The following DDX10 variants were observed in gnomAD, a reference collection of about 807,000 sequenced individuals.
The protein encoded by DDX10 is probable ATP-dependent RNA helicase DDX10.
Under a neutral mutation model 104.3 loss-of-function variants are expected in DDX10, and 74 were observed. That is an observed-to-expected ratio of 0.71 (90% confidence interval 0.59 to 0.86). DDX10 has a LOEUF of 0.86. Among genes scored for constraint, DDX10 ranks in the 40% least tolerant of loss-of-function variants. The pLI is 0.00. For synonymous variants in DDX10, 351 were observed against 353.4 expected (o/e 0.99, Z 0.08); for missense variants, 952 against 1,040.0 (o/e 0.92, Z 1.16).
intron 13 of DDX10, among the ~76,000 whole-genome samples, chr11:108,783,080 C>G (rs745457314): frequency 6.6e-6 from 1 of 152,108 alleles, no homozygotes; most frequent in Non-Finnish European, 1.5e-5. Flanking sequence ...TTCCTAGTGC[C>G]CACTCACTAT....
At chr11:108,667,869 A>G (rs2094212024) in intron 1 of DDX10, among the ~76,000 whole-genome samples, 1 of 152,162 alleles carries the variant, frequency 6.6e-6, no homozygotes, top group Non-Finnish European at 1.5e-5. Flanking sequence ...CTTTATGACA[A>G]CATTTATCAA....
intron 13 of DDX10, among the ~76,000 whole-genome samples, chr11:108,786,230 A>G (rs771447145): frequency 4.7e-5 from 7 of 149,702 alleles, no homozygotes; most frequent in South Asian, 2.1e-4. Flanking sequence ...AATTATTTCA[A>G]TTTTTTTTTT....
Position 108,940,608 on chromosome 11 carries a change from C to A in DDX10, c.*185C>A. ...GGACATGCTTTGTGCCATCACTGAG[C>A]ATACTCAGATCGAGGGTGGATGATA... On this transcript the variant is annotated 3_prime_UTR_variant, in exon 18 of 18. Transcript: ENST00000322536. The A allele has an allele frequency of 1.9e-6, 1 of 534,926 alleles. No homozygotes were observed. Among genetic ancestry groups the A allele is most frequent in the Non-Finnish European group, 3.2e-6 (1 of 310,766 alleles). The allele number at this position is 534,926 out of a possible 1,614,324, so 33.1% of individuals were successfully genotyped here.
chr11:108,861,892 G>A (rs1201709589), intron 16 of DDX10, among the ~76,000 whole-genome samples: 2 of 152,132 alleles, frequency 1.3e-5, no homozygotes, highest in African/African-American at 4.8e-5. Context: ...TGGGCATTGC[G>A]GTGCATGCCT....
intron 13 of DDX10, among the ~76,000 whole-genome samples, chr11:108,833,952 CTCTG>C (rs375577031): frequency 5.3e-5 from 8 of 152,156 alleles, no homozygotes; most frequent in African/African-American, 1.2e-4. Flanking sequence ...CTGTATTTCT[CTCTG>C]TCTTTCTTTG....
At chr11:108,864,792 G>T (rs1349376377) in intron 16 of DDX10, among the ~76,000 whole-genome samples, 1 of 152,050 alleles carries the variant, frequency 6.6e-6, no homozygotes, top group African/African-American at 2.4e-5. Flanking sequence ...TGAGGTGCTA[G>T]GCCTTTTCCA....
chr11:108,769,592 G>A (rs943517148), intron 13 of DDX10, among the ~76,000 whole-genome samples: 9 of 152,058 alleles, frequency 5.9e-5, no homozygotes, highest in Non-Finnish European at 1.2e-4. Context: ...TGTTTTGTGT[G>A]TGTTGATTTT....
intron 1 of DDX10, among the ~76,000 whole-genome samples, chr11:108,673,039 T>C (rs986769054): frequency 3.3e-5 from 5 of 152,232 alleles, no homozygotes; most frequent in African/African-American, 1.2e-4. Flanking sequence ...TTTCACTCTT[T>C]TTTCCAAATT....
At chr11:108,784,489 TCCTCCTGCCTTAG>T (rs1861760171) in intron 13 of DDX10, among the ~76,000 whole-genome samples, 1 of 152,172 alleles carries the variant, frequency 6.6e-6, no homozygotes, top group African/African-American at 2.4e-5. Context: ...GCTTAAGTGA[TCCTCCTGCCTTAG>T]CCTCCAGAGT....
chr11:108,913,699 A>G (rs958300713), intron 16 of DDX10, among the ~76,000 whole-genome samples: 1 of 152,158 alleles, frequency 6.6e-6, no homozygotes, highest in African/African-American at 2.4e-5. Context: ...TATCTCTTAA[A>G]TCATTCATGA....
chr11:108,924,872 C>G (rs1411939569), intron 17 of DDX10, among the ~76,000 whole-genome samples: 1 of 152,186 alleles, frequency 6.6e-6, no homozygotes, highest in Non-Finnish European at 1.5e-5. Flanking sequence ...TTTAAAAAAA[C>G]TACTATTCAC....
At position 108,821,352 on chromosome 11, in the gene DDX10, G is replaced by A. The variant is rs2615743; in HGVS notation, c.1966-17094G>A. Among the ~76,000 whole-genome samples the A allele has an allele frequency of 4.7e-4, 71 of 152,300 alleles. 1 individual carries two copies. In the East Asian group the frequency reaches 0.011, roughly 23 times the overall value. On this transcript the variant is annotated intron_variant, in intron 13 of 17. Transcript: ENST00000322536. ...TGATTTTTAAAAAGTTGATTATGTAGCATGGAGTTTGGGGACTAGTAAAAA... is the reference window on the plus strand; with the variant it reads ...TGATTTTTAAAAAGTTGATTATGTAACATGGAGTTTGGGGACTAGTAAAAA...
chr11:108,764,711 T>C (rs2094354468), intron 13 of DDX10, among the ~76,000 whole-genome samples: 1 of 152,156 alleles, frequency 6.6e-6, no homozygotes, highest in Non-Finnish European at 1.5e-5. Flanking sequence ...ACCCTGATAC[T>C]GTGAATATAA....
At chr11:108,726,151 C>A (rs544516660) in intron 13 of DDX10, among the ~76,000 whole-genome samples, 2 of 152,012 alleles carry the variant, frequency 1.3e-5, no homozygotes, top group African/African-American at 4.8e-5. Context: ...TATACTAAGT[C>A]TTAAATCAGA....
At chr11:108,856,762 T>A (rs767677821) in intron 16 of DDX10, among the ~76,000 whole-genome samples, 1 of 152,156 alleles carries the variant, frequency 6.6e-6, no homozygotes, top group Admixed American at 6.5e-5. Flanking sequence ...CTTTTTCTGA[T>A]CCATGAAATT....
intron 13 of DDX10, among the ~76,000 whole-genome samples, chr11:108,787,877 C>T (rs940235355): frequency 2.0e-5 from 3 of 152,098 alleles, no homozygotes; most frequent in South Asian, 4.1e-4. Context: ...CTGCGGTGAG[C>T]GGAGATCGTG....
intron 16 of DDX10, among the ~76,000 whole-genome samples, chr11:108,910,139 G>T (rs1863649423): frequency 6.6e-6 from 1 of 151,122 alleles, no homozygotes; most frequent in Non-Finnish European, 1.5e-5. Flanking sequence ...CACATGTAAG[G>T]TATCATAGGA....
At chr11:108,864,657 C>G (rs1862985020) in intron 16 of DDX10, among the ~76,000 whole-genome samples, 1 of 151,872 alleles carries the variant, frequency 6.6e-6, no homozygotes, top group Middle Eastern at 3.4e-3. Context: ...ATGAGGTCTT[C>G]CTGTGTTGCC....
At chr11:108,680,059 T>G (rs1328364087) in intron 6 of DDX10, among the ~76,000 whole-genome samples, 1 of 152,186 alleles carries the variant, frequency 6.6e-6, no homozygotes, top group Non-Finnish European at 1.5e-5. Flanking sequence ...TGGAACACAT[T>G]TTATGAAGTG....
Sources: gnomAD v4.1 joint callset for allele counts (sites outside exome capture counted in the v4.1 genomes callset) on GRCh38, gnomAD v4.1.1 for gene constraint, MANE v1.5 for transcripts, NCBI Gene and HGNC (gene_info 2026-07-23, HGNC 2026-07-21) for gene names.